TUSC3: variants seen among roughly 807,000 people sequenced by gnomAD.
The protein encoded by TUSC3 is dolichyl-diphosphooligosaccharide--protein glycosyltransferase subunit TUSC3.
A neutral mutation model predicts 44.8 loss-of-function variants in TUSC3; 45 were observed. That is an observed-to-expected ratio of 1.00 (90% CI 0.79 to 1.29). TUSC3 has a LOEUF of 1.29. Among genes scored for constraint, TUSC3 ranks in the 50% most tolerant of loss-of-function variants. The pLI, the probability that TUSC3 is intolerant of heterozygous loss-of-function variation, is 0.00. For synonymous variants in TUSC3, 212 were observed against 152.9 expected, an observed-to-expected ratio of 1.39 and a Z score of -2.85; for missense variants, 519 against 437.9, an observed-to-expected ratio of 1.19 and a Z score of -1.65.
intron 9 of TUSC3, among the ~76,000 whole-genome samples, chr8:15,751,819 T>C (rs945856191): frequency 2.0e-5 from 3 of 152,184 alleles, no homozygotes; most frequent in Non-Finnish European, 4.4e-5. Flanking sequence ...TGGCTTCTTA[T>C]TCCTACACCA....
chr8:15,560,380 G>C lies in TUSC3; in HGVS notation c.138+19812G>C, dbSNP rs1278736579. 3.6e-5 allele frequency among the ~76,000 whole-genome samples: 5 copies of C among 140,844 alleles called. No homozygotes were observed. The East Asian group carries it at 8.5e-4, about 24-fold the overall frequency. The allele number at this position is 140,844 out of a possible 152,430, so 92.4% of individuals were successfully genotyped here. A position where few individuals can be genotyped will look rare whatever the true frequency, so the allele number is the denominator to read the frequency against. ...GTTTCTGCTGAGAGATCCGCTGTTAGTCTGATGGGCTTCCCTTTGAGGGTA... is the reference window on the plus strand; with the variant it reads ...GTTTCTGCTGAGAGATCCGCTGTTACTCTGATGGGCTTCCCTTTGAGGGTA... On this transcript the variant is annotated intron_variant, in intron 1 of 10. Transcript: ENST00000503731.
At chr8:15,542,353 C>A (rs183911849) in intron 1 of TUSC3, among the ~76,000 whole-genome samples, 28 of 152,008 alleles carry the variant, frequency 1.8e-4, no homozygotes, top group Non-Finnish European at 3.7e-4. Context: ...CTTATCAGAC[C>A]TAAGGTCTGT....
intron 1 of TUSC3, among the ~76,000 whole-genome samples, chr8:15,576,790 A>G (rs1208299463): frequency 2.1e-5 from 3 of 140,496 alleles, no homozygotes; most frequent in Non-Finnish European, 4.6e-5. Flanking sequence ...ATGTGTCTTT[A>G]TAGCAGCACG....
intron 7 of TUSC3, among the ~76,000 whole-genome samples, chr8:15,739,084 G>A (rs1811068016): frequency 6.6e-6 from 1 of 151,822 alleles, no homozygotes; most frequent in Admixed American, 6.6e-5. Context: ...GCCTGCCTCA[G>A]CTTCCCAAAA....
At chr8:15,452,424 T>C (rs576282841) in intron 1 of TUSC3, among the ~76,000 whole-genome samples, 1 of 152,302 alleles carries the variant, frequency 6.6e-6, no homozygotes, top group African/African-American at 2.4e-5. Flanking sequence ...TAAATTCATA[T>C]GGAATTTACC....
intron 1 of TUSC3, among the ~76,000 whole-genome samples, chr8:15,592,458 A>G (rs1437965348): frequency 6.6e-6 from 1 of 152,148 alleles, no homozygotes; most frequent in East Asian, 1.9e-4. Flanking sequence ...CATGAATGAC[A>G]TAGTGCCCTC....
At chr8:15,628,212 A>G (rs1040832451) in intron 2 of TUSC3, among the ~76,000 whole-genome samples, 1 of 152,190 alleles carries the variant, frequency 6.6e-6, no homozygotes, top group South Asian at 2.1e-4. Flanking sequence ...TTTAATCATT[A>G]TATTTTTATA....
At chr8:15,473,810 C>T (rs1008627844) in intron 1 of TUSC3, among the ~76,000 whole-genome samples, 1 of 152,190 alleles carries the variant, frequency 6.6e-6, no homozygotes, top group African/African-American at 2.4e-5. Context: ...AACAGAACTA[C>T]TGATAAGGGT....
chr8:15,468,916 TA>T (rs1172225819), intron 1 of TUSC3, among the ~76,000 whole-genome samples: 4,270 of 144,626 alleles, frequency 0.03, 200 homozygotes, highest in African/African-American at 0.1. Context: ...GCAGACAGAT[TA>T]AAAAAAAAAA....
In TUSC3 at chr8:15,423,989, T is replaced by G. The variant is rs1330037399; in HGVS notation, n.91+6684T>G. On this transcript the variant is annotated intron_variant and non_coding_transcript_variant, in intron 1 of 5. Coordinates refer to the TUSC3 transcript ENST00000503191. ...GCTTTGTTTTTTTTTTTTTTTTTTT[T>G]TTTTTTTTTTTTTTTTTTGAGAAGG... 6.4e-3 allele frequency among the ~76,000 whole-genome samples: 833 copies of G among 130,890 alleles called. 79 individuals carry two copies. The highest frequency in any genetic ancestry group is 0.019 in the African/African-American group (684 of 36,010). 85.9% of individuals were successfully genotyped at this position (130,890 alleles called of 152,430 possible).
chr8:15,642,004 A>G (rs1806394403), intron 2 of TUSC3, among the ~76,000 whole-genome samples: 1 of 152,220 alleles, frequency 6.6e-6, no homozygotes, highest in South Asian at 2.1e-4. Flanking sequence ...CCCATTATAT[A>G]CATTAATCGT....
intron 8 of TUSC3, among the ~76,000 whole-genome samples, chr8:15,746,709 G>T (rs1353070908): frequency 1.3e-5 from 2 of 151,900 alleles, no homozygotes; most frequent in African/African-American, 4.8e-5. Context: ...AGGAGCAAAG[G>T]GAATGAAAAG....
intron 6 of TUSC3, among the ~76,000 whole-genome samples, chr8:15,700,849 C>CTTTGTTTTTTTTTTT (rs1809367289): frequency 1.1e-5 from 1 of 90,536 alleles, no homozygotes; most frequent in Admixed American, 1.2e-4. Flanking sequence ...ATGGCTGGAG[C>CTTTGTTTTTTTTTTT]TTTTTTTTTT....
chr8:15,501,436 T>C (rs538514869), intron 2 of TUSC3, among the ~76,000 whole-genome samples: 15 of 152,200 alleles, frequency 9.9e-5, no homozygotes, highest in African/African-American at 3.6e-4. Flanking sequence ...CAACAGGAGG[T>C]CTTAAGTTAC....
intron 2 of TUSC3, among the ~76,000 whole-genome samples, chr8:15,494,714 C>T (rs1392351849): frequency 6.6e-6 from 1 of 152,202 alleles, no homozygotes; most frequent in East Asian, 1.9e-4. Context: ...AGTGTGGCAT[C>T]ACACAGAATA....
intron 1 of TUSC3, among the ~76,000 whole-genome samples, chr8:15,482,214 C>T (rs1032183871): frequency 6.6e-6 from 1 of 152,188 alleles, no homozygotes; most frequent in Non-Finnish European, 1.5e-5. Context: ...TTCTAGTTTT[C>T]TTGCTATTTC....
chr8:15,845,351 G>C, the TUSC3 span, among the ~76,000 whole-genome samples: 2 of 152,048 alleles, frequency 1.3e-5, no homozygotes, highest in Non-Finnish European at 1.5e-5. Flanking sequence ...TCTTAATCTG[G>C]CAATAAGGAG....
At chr8:15,615,802 A>G (rs948331706) in intron 1 of TUSC3, among the ~76,000 whole-genome samples, 1 of 152,220 alleles carries the variant, frequency 6.6e-6, no homozygotes, top group African/African-American at 2.4e-5. Context: ...ACACTAAAAT[A>G]CTACAAAAAT....
At chr8:15,811,090 G>C in the TUSC3 span, among the ~76,000 whole-genome samples, 3 of 152,174 alleles carry the variant, frequency 2.0e-5, no homozygotes, top group Non-Finnish European at 1.5e-5. Context: ...AATCATTTAG[G>C]AGACAAGGAG....
Sources: allele counts gnomAD v4.1 joint callset (sites outside exome capture counted in the v4.1 genomes callset), GRCh38; gene constraint gnomAD v4.1.1; transcripts MANE v1.5; gene names NCBI Gene and HGNC (gene_info 2026-07-23, HGNC 2026-07-21).